Variants in PCSK6 observed in about 807,000 individuals in gnomAD.
PCSK6 encodes paired basic amino acid cleaving enzyme 4.
In PCSK6, 85 loss-of-function variants were observed where a neutral mutation model predicts 123.3. That is an observed-to-expected ratio of 0.69 (90% CI 0.58 to 0.83). PCSK6 has a LOEUF of 0.83. Among genes scored for constraint, PCSK6 ranks in the 40% least tolerant of loss-of-function variants. The pLI, the probability that PCSK6 is intolerant of heterozygous loss-of-function variation, is 0.00. For missense variants in PCSK6, 1,191 were observed against 1,282.3 expected (o/e 0.93, Z 1.09); for synonymous variants, 508 against 516.0 (o/e 0.98, Z 0.21).
intron 18 of PCSK6, 61 bp from the exon 19 acceptor site, chr15:101,318,483 C>T (rs2040044744): frequency 1.4e-5 from 19 of 1,323,838 alleles, no homozygotes; most frequent in Non-Finnish European, 2.0e-5. Context: ...ATGACTTGCC[C>T]TCTAGCACCT....
intron 7 of PCSK6, among the ~76,000 whole-genome samples, chr15:101,397,873 G>A (rs1326198374): frequency 6.6e-6 from 1 of 152,148 alleles, no homozygotes; most frequent in East Asian, 1.9e-4. Context: ...GCCCTGCTTA[G>A]CCCCTTGTGA....
chr15:101,414,515 G>T (rs937114662), intron 6 of PCSK6, among the ~76,000 whole-genome samples: 1 of 152,178 alleles, frequency 6.6e-6, no homozygotes, highest in Non-Finnish European at 1.5e-5. Context: ...ACAGACAGAA[G>T]ATGGCAGAGG....
rs147389295 is a variant in PCSK6, at chr15:101,439,734, G to A, written c.402+3822C>T. 6.4e-3 allele frequency among the ~76,000 whole-genome samples: 979 copies of A among 152,330 alleles called. 9 individuals carry two copies. Among genetic ancestry groups the A allele is most frequent in the African/African-American group, 0.022 (920 of 41,574 alleles). On this transcript the variant is annotated intron_variant, in intron 2 of 21. Transcript: ENST00000611716. The stretch of plus-strand genomic sequence containing the variant: ...TTGCATCACTGCTGGAAGGAAACCC[G>A]AGCTTTGATTAAACTCCGGGGGCAA...
intron 1 of PCSK6, among the ~76,000 whole-genome samples, chr15:101,470,347 C>A (rs1044525612): frequency 2.6e-5 from 4 of 152,158 alleles, no homozygotes; most frequent in Non-Finnish European, 4.4e-5. Context: ...GTCAGCTTAA[C>A]ACTTTCTCCT....
intron 13 of PCSK6, among the ~76,000 whole-genome samples, chr15:101,340,604 G>C (rs1032637535): frequency 6.6e-6 from 1 of 152,092 alleles, no homozygotes; most frequent in Non-Finnish European, 1.5e-5. Flanking sequence ...TTAACACTTT[G>C]AGTTATTTTT....
At chr15:101,328,030 T>C (rs968870633) in intron 15 of PCSK6, among the ~76,000 whole-genome samples, 2 of 152,226 alleles carry the variant, frequency 1.3e-5, no homozygotes, top group Non-Finnish European at 2.9e-5. Context: ...TCTGATTGGA[T>C]TCTTTGCCCA....
At chr15:101,335,463 A>G (rs2040458063) in intron 13 of PCSK6, among the ~76,000 whole-genome samples, 3 of 152,238 alleles carry the variant, frequency 2.0e-5, no homozygotes, top group Admixed American at 2.0e-4. Flanking sequence ...CAAAAGTATA[A>G]AAGTGCATAT....
intron 1 of PCSK6, among the ~76,000 whole-genome samples, chr15:101,465,452 C>G (rs2057435387): frequency 6.6e-6 from 1 of 152,212 alleles, no homozygotes; most frequent in Admixed American, 6.5e-5. Context: ...AGGTCATTCC[C>G]CAGCTCCAGA....
intron 6 of PCSK6, among the ~76,000 whole-genome samples, chr15:101,426,742 GC>G (rs1322021642): frequency 8.7e-6 from 1 of 115,078 alleles, no homozygotes; most frequent in African/African-American, 2.9e-5. Flanking sequence ...AGCCAAAGCG[GC>G]TGCAGCCACC....
At chr15:101,439,605 C>T (rs2056701113) in intron 2 of PCSK6, among the ~76,000 whole-genome samples, 1 of 152,208 alleles carries the variant, frequency 6.6e-6, no homozygotes, top group South Asian at 2.1e-4. Context: ...TGTCTATGTG[C>T]TCTTGTCAGG....
chr15:101,327,054 G>A (rs1465544083), intron 15 of PCSK6, among the ~76,000 whole-genome samples: 3 of 152,190 alleles, frequency 2.0e-5, no homozygotes. Flanking sequence ...CAGGTCTAGG[G>A]TGGGGCAGGG....
chr15:101,365,535 A>G (rs1182995145), intron 13 of PCSK6, among the ~76,000 whole-genome samples: 1 of 152,202 alleles, frequency 6.6e-6, no homozygotes, highest in Non-Finnish European at 1.5e-5. Context: ...TTACCATATG[A>G]CCTGACAATT....
At position 101,307,104 on chromosome 15, in the gene PCSK6, T is replaced by C. The variant is rs747776364; in HGVS notation, c.2812+109A>G. ...CAATCGGATCAGGGGCACGAACGCC[T>C]GTCTGTGGAGCCGCCATGCCTATGT... On this transcript the variant is annotated intron_variant, in intron 21 of 21. Coordinates refer to ENST00000611716, the MANE Select transcript of PCSK6 (RefSeq NM_002570.5). 14 of 746,848 alleles carry C rather than the reference T, an allele frequency of 1.9e-5. No homozygotes were observed. The Admixed American group carries it at 2.1e-4, about 11-fold the overall frequency. The allele number at this position is 746,848 out of a possible 1,614,324, so 46.3% of individuals were successfully genotyped here. A position where few individuals can be genotyped will look rare whatever the true frequency, so the allele number is the denominator to read the frequency against.
intron 1 of PCSK6, among the ~76,000 whole-genome samples, chr15:101,460,767 G>C (rs2141205172): frequency 6.6e-6 from 1 of 152,230 alleles, no homozygotes; most frequent in Admixed American, 6.5e-5. Flanking sequence ...TCACACATTT[G>C]GAAATTCACA....
chr15:101,428,714 G>A (rs909221281), intron 5 of PCSK6, among the ~76,000 whole-genome samples: 1 of 152,204 alleles, frequency 6.6e-6, no homozygotes, highest in African/African-American at 2.4e-5. Flanking sequence ...CAGAGGATGG[G>A]AATCATTGAT....
At chr15:101,423,841 C>T (rs372525416) in intron 6 of PCSK6, among the ~76,000 whole-genome samples, 2 of 151,868 alleles carry the variant, frequency 1.3e-5, no homozygotes, top group East Asian at 1.9e-4. Context: ...ACAGAAAACC[C>T]AAGATGGAAT....
chr15:101,460,462 G>A (rs1189960016), intron 1 of PCSK6, among the ~76,000 whole-genome samples: 1 of 152,164 alleles, frequency 6.6e-6, no homozygotes, highest in African/African-American at 2.4e-5. Context: ...CCTGATTCCA[G>A]GGGCCATAAG....
chr15:101,393,384 C>A lies in PCSK6; in HGVS notation c.1037G>T (p.Gly346Val). 6.2e-7 allele frequency: 1 copy of A among 1,603,422 alleles called. No individual in the cohort carries two copies. The highest frequency in any genetic ancestry group is 1.1e-5 in the South Asian group (1 of 89,994). Residue 346 changes from glycine to valine, a missense_variant, in exon 8 of 22, where the codon GGG (glycine) becomes GTG (valine). By Grantham distance (109) the Gly-to-Val change is moderately radical (BLOSUM62 -3). Around this residue, in one of 3 missense-constraint regions of PCSK6, gnomAD observed 357 missense variants for 484.5 expected, o/e 0.74. Transcript: ENST00000611716. ...GLGSIFVWAS[G>V]NGGREGDYCS... Reference sequence around the variant, plus strand: ...GTAGTCCCCCTCTCTCCCGCCATTCCCAGATGCCCAGACGAAAATGGAGCC... The same window carrying A: ...GTAGTCCCCCTCTCTCCCGCCATTCACAGATGCCCAGACGAAAATGGAGCC...
intron 1 of PCSK6, among the ~76,000 whole-genome samples, chr15:101,449,735 C>A (rs577834089): frequency 6.6e-6 from 1 of 152,138 alleles, no homozygotes; most frequent in Admixed American, 6.5e-5. Context: ...AAATCCTCTG[C>A]GGGAGAAGCT....
Sources: gnomAD v4.1 joint callset for allele counts (sites outside exome capture counted in the v4.1 genomes callset) on GRCh38, gnomAD v4.1.1 for gene constraint, gnomAD v4.1.1 regional missense constraint, MANE v1.5 for transcripts, NCBI Gene and HGNC (gene_info 2026-07-23, HGNC 2026-07-21) for gene names.